The following SYTL5 variants were observed in gnomAD, a reference collection of about 807,000 sequenced individuals.
The protein encoded by SYTL5 is synaptotagmin-like protein 5.
In SYTL5, 34 loss-of-function variants were observed where a neutral mutation model predicts 55.9. That is an observed-to-expected ratio of 0.61 (90% CI 0.46 to 0.81). SYTL5 has a LOEUF of 0.81. Ranked by LOEUF, SYTL5 falls within the 30% of genes least tolerant of loss-of-function variation. The pLI, the probability that SYTL5 is intolerant of heterozygous loss-of-function variation, is 0.00. For missense variants in SYTL5, 637 were observed against 546.7 expected, an observed-to-expected ratio of 1.17 and a Z score of -1.65; for synonymous variants, 221 against 188.7, an observed-to-expected ratio of 1.17 and a Z score of -1.40.
upstream of SYTL5, among the ~76,000 whole-genome samples, chrX:38,003,208 T>C (rs1443860210): frequency 9.0e-6 from 1 of 111,545 alleles, no homozygotes; most frequent in Non-Finnish European, 1.9e-5. Flanking sequence ...GAGGGCTCTG[T>C]TCTGTTCCAT....
At chrX:37,922,536 C>T in the SYTL5 span, among the ~76,000 whole-genome samples, 1 of 111,856 alleles carries the variant, frequency 8.9e-6, no homozygotes, top group Non-Finnish European at 1.9e-5. Flanking sequence ...CATTTTGTGC[C>T]ATGACCTGAG....
the SYTL5 span, chrX:37,906,324 A>C: frequency 8.9e-6 from 1 of 112,045 alleles, no homozygotes; most frequent in African/African-American, 3.2e-5. Context: ...ACCCCAGATA[A>C]ACAAAACTCT....
In SYTL5 at chrX:38,078,540, G is replaced by A. The variant is rs762860892; in HGVS notation, c.689+1839G>A. ...CTCCCAAAGTGCTGGGATTACAGGC[G>A]TGAGCCACCGCACCCGGCCAATGTT... On this transcript the variant is annotated intron_variant, in intron 6 of 16. Transcript: ENST00000297875. Among the ~76,000 whole-genome samples the A allele has an allele frequency of 1.4e-4, 16 of 110,903 alleles. No homozygotes were observed. The East Asian group carries it at 4.0e-3, about 28-fold the overall frequency.
At chrX:37,894,000 C>G in the SYTL5 span, among the ~76,000 whole-genome samples, 4 of 109,355 alleles carry the variant, frequency 3.7e-5, no homozygotes, top group African/African-American at 1.3e-4. Context: ...TAACCATTTA[C>G]AAGTTTTGCC....
chrX:37,999,045 C>T, the SYTL5 span, among the ~76,000 whole-genome samples: 1 of 112,291 alleles, frequency 8.9e-6, no homozygotes, highest in East Asian at 2.8e-4. Flanking sequence ...TACTGTATGG[C>T]TCACCATTGA....
intron 1 of SYTL5, among the ~76,000 whole-genome samples, chrX:38,016,216 T>G (rs1934350091): frequency 8.9e-6 from 1 of 112,308 alleles, no homozygotes; most frequent in Admixed American, 9.5e-5. Context: ...TCTTGATTGA[T>G]GCATACTTAT....
At chrX:38,082,646 C>T (rs758123224) in intron 6 of SYTL5, among the ~76,000 whole-genome samples, 2 of 112,429 alleles carry the variant, frequency 1.8e-5, no homozygotes, top group South Asian at 3.7e-4. Context: ...AGATGTTCTG[C>T]GTGCTATGGG....
At chrX:38,059,837 G>A (rs971987358) in intron 3 of SYTL5, among the ~76,000 whole-genome samples, 1 of 111,193 alleles carries the variant, frequency 9.0e-6, no homozygotes, top group African/African-American at 3.3e-5. Flanking sequence ...CTCAACTATG[G>A]AGTCTGAGGA....
the SYTL5 span, among the ~76,000 whole-genome samples, chrX:37,942,619 A>G: frequency 1.8e-5 from 2 of 111,565 alleles, no homozygotes; most frequent in South Asian, 3.8e-4. Flanking sequence ...GGTCTTCTCT[A>G]TCCGTTCTGG....
the SYTL5 span, among the ~76,000 whole-genome samples, chrX:37,995,721 A>G: frequency 4.0e-4 from 45 of 112,459 alleles, no homozygotes; most frequent in African/African-American, 1.4e-3. Flanking sequence ...AGTGTCCTCC[A>G]TTCAAGTGAG....
At chrX:38,088,118 G>T (rs1239737942) in intron 6 of SYTL5, among the ~76,000 whole-genome samples, 4 of 111,571 alleles carry the variant, frequency 3.6e-5, no homozygotes, top group Non-Finnish European at 3.8e-5. Flanking sequence ...TGGTCCAAAA[G>T]AAATTTGGTT....
At chrX:38,084,855 G>C (rs1302571173) in intron 6 of SYTL5, among the ~76,000 whole-genome samples, 2 of 111,411 alleles carry the variant, frequency 1.8e-5, no homozygotes, top group Non-Finnish European at 3.8e-5. Flanking sequence ...CTGAATTCCA[G>C]TCAAATTTTA....
chrX:38,028,921 T>G (rs1366347473), intron 1 of SYTL5, among the ~76,000 whole-genome samples: 1 of 111,809 alleles, frequency 8.9e-6, no homozygotes, highest in East Asian at 2.8e-4. Context: ...ATGTTGACAA[T>G]GTTTCCTGTA....
chrX:38,036,121 C>G (rs113968277), intron 2 of SYTL5, among the ~76,000 whole-genome samples: 8 of 109,818 alleles, frequency 7.3e-5, no homozygotes. Flanking sequence ...GCCTGGCCAA[C>G]ATGGCGAAAC....
At chrX:38,077,555 A>G (rs1024381694) in intron 6 of SYTL5, among the ~76,000 whole-genome samples, 1 of 110,693 alleles carries the variant, frequency 9.0e-6, no homozygotes, top group African/African-American at 3.3e-5. Flanking sequence ...TAGAGGGGAC[A>G]CTATTTTGAC....
the SYTL5 span, among the ~76,000 whole-genome samples, chrX:37,999,894 T>C: frequency 1.2e-4 from 13 of 111,956 alleles, no homozygotes; most frequent in Admixed American, 1.9e-4. Flanking sequence ...CCACCTGTTG[T>C]TGAAGCTCTT....
At chrX:38,108,281 T>A (rs778832519) in intron 11 of SYTL5, among the ~76,000 whole-genome samples, 1 of 112,072 alleles carries the variant, frequency 8.9e-6, no homozygotes, top group East Asian at 2.8e-4. Flanking sequence ...TTCCCAGTTT[T>A]ACAGATGAAG....
the SYTL5 span, among the ~76,000 whole-genome samples, chrX:37,914,951 C>T: frequency 1.2e-4 from 13 of 111,276 alleles, no homozygotes; most frequent in Admixed American, 4.8e-4. Flanking sequence ...GTTTTTCTTA[C>T]GGCCCTTCAG....
At position 38,125,555 on chromosome X, in the gene SYTL5, G is replaced by T. The variant is rs770797273; in HGVS notation, c.2050+49G>T. The T allele has an allele frequency of 9.9e-5, 102 of 1,032,049 alleles. No homozygotes were observed. In the South Asian group the frequency reaches 1.9e-3, roughly 20 times the overall value. The allele number at this position is 1,032,049 out of a possible 1,213,427, so 85.1% of individuals were successfully genotyped here. On this transcript the variant is annotated intron_variant, in intron 16 of 16. Transcript: ENST00000297875. ...GGATGGTCTGTGACTAGGCCCAGGT[G>T]GGGGCGCTATTCTTGCAGATGTGAT... is the stretch of plus-strand genomic sequence containing the variant.
Sources: gnomAD v4.1 joint callset for allele counts (sites outside exome capture counted in the v4.1 genomes callset) on GRCh38, gnomAD v4.1.1 for gene constraint, MANE v1.5 for transcripts, NCBI Gene and HGNC (gene_info 2026-07-23, HGNC 2026-07-21) for gene names.